The following MED25 variants were observed in gnomAD, a reference collection of about 807,000 sequenced individuals.
The protein encoded by MED25 is mediator of RNA polymerase II transcription subunit 25.
Under a neutral mutation model 89.4 loss-of-function variants are expected in MED25, and 62 were observed. The observed-to-expected ratio is 0.69, with a 90% confidence interval of 0.57 to 0.86. The LOEUF (loss-of-function observed/expected upper bound fraction) is 0.86. Among genes scored for constraint, MED25 ranks in the 40% least tolerant of loss-of-function variants. MED25 has a pLI of 0.00. For missense variants in MED25, 905 were observed against 1,005.2 expected (o/e 0.90, Z 1.35); for synonymous variants, 449 against 427.9 (o/e 1.05, Z -0.61).
In MED25 at chr19:49,830,626, G is replaced by C; in HGVS notation, c.907+28G>C. On this transcript the variant is annotated intron_variant, in intron 8 of 17. Coordinates refer to ENST00000312865, the MANE Select transcript of MED25 (RefSeq NM_030973.4). The surrounding 1 kb of genome is among the most constrained non-coding windows in gnomAD (Gnocchi z 4.6). ...GAGTCCTGGAGTGAGGATGAAGGGC[G>C]GGCAGGGGCCAGGCAGGCCTCTCTC... The C allele has an allele frequency of 1.2e-6, 2 of 1,613,422 alleles. No homozygotes were observed. The highest frequency in any genetic ancestry group is 1.7e-6 in the Non-Finnish European group (2 of 1,179,370).
rs1263337465 is a variant in MED25, at chr19:49,835,412, C to T, written c.1675-122C>T. 16 of 1,097,076 alleles carry T rather than the reference C, an allele frequency of 1.5e-5. No homozygotes were observed. Among genetic ancestry groups the T allele is most frequent in the Non-Finnish European group, 2.1e-5 (16 of 762,946 alleles). 68.0% of individuals were successfully genotyped at this position (1,097,076 alleles called of 1,614,324 possible). On this transcript the variant is annotated intron_variant, in intron 14 of 17. Coordinates refer to ENST00000312865, the MANE Select transcript of MED25 (RefSeq NM_030973.4). The surrounding 1 kb of genome is among the most constrained non-coding windows in gnomAD (Gnocchi z 6.2). ...AGTGTACGGCATCCCTCCCAGACCA[C>T]TCACCCCCAAAGAGAATGTCCCCAT...
chr19:49,824,996 TTTTTA>T (rs1279934147), intron 3 of MED25, among the ~76,000 whole-genome samples: 9 of 152,174 alleles, frequency 5.9e-5, no homozygotes, highest in African/African-American at 1.4e-4. Context: ...GGGGCTTTTA[TTTTTA>T]TTTTGTGTCT....
Position 49,836,004 on chromosome 19 carries a change from C to A in MED25, c.1965+59C>A. 6.3e-7 allele frequency: 1 copy of A among 1,592,954 alleles called. No homozygotes were observed. Reference sequence around the variant, plus strand: ...GATCCTGGCCCTGGTGGTTCTGGTCCTGTTGTCTGGGAGGAGGGAGGTTGA... The same window carrying A: ...GATCCTGGCCCTGGTGGTTCTGGTCATGTTGTCTGGGAGGAGGGAGGTTGA... On this transcript the variant is annotated intron_variant, in intron 16 of 17. Coordinates refer to ENST00000312865, the MANE Select transcript of MED25 (RefSeq NM_030973.4). This position sits in a 1 kb window ranked among gnomAD's most constrained non-coding sequence, Gnocchi z 5.1.
Position 49,836,790 on chromosome 19 carries a change from C to A in MED25, c.2147-57C>A. ...GCCTAGAAAACTTAGTGCCTCTGGG[C>A]CCTCCTGGGCCCAAGGGCCTACTGG... On this transcript the variant is annotated intron_variant, in intron 17 of 17. Coordinates refer to ENST00000312865, the MANE Select transcript of MED25 (RefSeq NM_030973.4). This position sits in a 1 kb window ranked among gnomAD's most constrained non-coding sequence, Gnocchi z 5.1. 7.4e-7 allele frequency: 1 copy of A among 1,355,304 alleles called. No individual in the cohort carries two copies. 84.0% of individuals were successfully genotyped at this position (1,355,304 alleles called of 1,614,324 possible). A position where few individuals can be genotyped will look rare whatever the true frequency, so the allele number is the denominator to read the frequency against.
chr19:49,830,650 T>G lies in MED25; in HGVS notation c.908-44T>G, dbSNP rs947245652. 1.2e-6 allele frequency: 2 copies of G among 1,612,738 alleles called. No homozygotes were observed. Among genetic ancestry groups the G allele is most frequent in the African/African-American group, 2.7e-5 (2 of 74,856 alleles). The stretch of plus-strand genomic sequence containing the variant: ...CGGGCAGGGGCCAGGCAGGCCTCTC[T>G]CCACACACTTGTTCCCCACTTCTTC... On this transcript the variant is annotated intron_variant, in intron 8 of 17. Coordinates refer to ENST00000312865, the MANE Select transcript of MED25 (RefSeq NM_030973.4). This position sits in a 1 kb window ranked among gnomAD's most constrained non-coding sequence, Gnocchi z 4.6.
intron 3 of MED25, among the ~76,000 whole-genome samples, chr19:49,827,020 C>T (rs1272974628): frequency 2.0e-5 from 3 of 152,126 alleles, no homozygotes; most frequent in Non-Finnish European, 2.9e-5. Context: ...TCACATGTGC[C>T]CCGCTGTGGT....
intron 3 of MED25, among the ~76,000 whole-genome samples, chr19:49,824,576 C>T (rs749305225): frequency 1.0e-4 from 15 of 148,624 alleles, no homozygotes; most frequent in Non-Finnish European, 8.9e-5. Context: ...AAGAGCGAGA[C>T]CCTGTCTCGG....
chr19:49,825,896 C>T (rs1438963766), intron 3 of MED25, among the ~76,000 whole-genome samples: 1 of 151,992 alleles, frequency 6.6e-6, no homozygotes, highest in African/African-American at 2.4e-5. Context: ...CTCCCCATTC[C>T]CCCATCCCCC....
intron 3 of MED25, among the ~76,000 whole-genome samples, chr19:49,826,732 T>C (rs1408583633): frequency 1.3e-5 from 2 of 151,990 alleles, no homozygotes; most frequent in Admixed American, 1.3e-4. Context: ...AGGCTTCCTA[T>C]AGGAGGGCAC....
Position 49,836,523 on chromosome 19 carries a change from T to G in MED25, c.2146+117T>G. Reference sequence around the variant, plus strand: ...AAGACATAGGATCCAAGAATGAGGGTTCCCCCATGGCCTTTGCGGAGCTCT... The same window carrying G: ...AAGACATAGGATCCAAGAATGAGGGGTCCCCCATGGCCTTTGCGGAGCTCT... On this transcript the variant is annotated intron_variant, in intron 17 of 17. Transcript: ENST00000312865. This position sits in a 1 kb window ranked among gnomAD's most constrained non-coding sequence, Gnocchi z 5.1. 27 of 1,228,900 alleles carry G rather than the reference T, an allele frequency of 2.2e-5. No individual in the cohort carries two copies. The highest frequency in any genetic ancestry group is 2.8e-5 in the Non-Finnish European group (24 of 853,796). The allele number at this position is 1,228,900 out of a possible 1,614,324, so 76.1% of individuals were successfully genotyped here.
rs1188825695 is a variant in MED25, at chr19:49,830,744, T to G, written c.958T>G (p.Phe320Val). Residue 320 changes from phenylalanine (F) to valine (V), a missense_variant, in exon 9 of 18, where the codon TTC (phenylalanine) becomes GTC (valine). By Grantham distance (50) the Phe-to-Val change is conservative. Coordinates refer to ENST00000312865, the MANE Select transcript of MED25 (RefSeq NM_030973.4). This position sits in a 1 kb window ranked among gnomAD's most constrained non-coding sequence, Gnocchi z 4.6. ...AGCTGCTCCCGGAGTGGGTCCCCCC[T>G]TCAGCCAGGCCCCAGCTCCCCAACT... The part of the protein sequence containing the change: ...QQAAPGVGPP[F>V]SQAPAPQLPP... 1.2e-6 allele frequency: 2 copies of G among 1,613,572 alleles called. No homozygotes were observed. Among genetic ancestry groups the G allele is most frequent in the Non-Finnish European group, 8.5e-7 (1 of 1,179,794 alleles).
In MED25 at chr19:49,830,501, C is replaced by T. The variant is rs1026511672; in HGVS notation, c.820-10C>T. On this transcript the variant is annotated splice_polypyrimidine_tract_variant and intron_variant, in intron 7 of 17. Transcript: ENST00000312865. This position sits in a 1 kb window ranked among gnomAD's most constrained non-coding sequence, Gnocchi z 4.6. The stretch of plus-strand genomic sequence containing the variant: ...CACCAGTCCCTTCCCTTCTTCCCTT[C>T]TACCCACAGGTTCCCGGGAACCTGA... 6 of 1,613,676 alleles carry T rather than the reference C, an allele frequency of 3.7e-6. No individual in the cohort carries two copies. In the Admixed American group the frequency reaches 8.3e-5, roughly 22 times the overall value.
intron 3 of MED25, among the ~76,000 whole-genome samples, chr19:49,820,264 C>T (rs1040591033): frequency 6.6e-6 from 1 of 152,224 alleles, no homozygotes; most frequent in African/African-American, 2.4e-5. Flanking sequence ...ATACACACTT[C>T]ACAAAAGGGG....
Position 49,831,470 on chromosome 19 carries a change from C to T in MED25, c.1230+9C>T, listed in dbSNP as rs2074057229. On this transcript the variant is annotated intron_variant, in intron 10 of 17. Coordinates refer to ENST00000312865, the MANE Select transcript of MED25 (RefSeq NM_030973.4). This position sits in a 1 kb window ranked among gnomAD's most constrained non-coding sequence, Gnocchi z 5.0. Reference sequence around the variant, plus strand: ...TCCTGGAGTGGCAAGAGGTGAGGGGCCTGAGGGTCCATTGGGCACTTGGGA... The same window carrying T: ...TCCTGGAGTGGCAAGAGGTGAGGGGTCTGAGGGTCCATTGGGCACTTGGGA... 6.2e-7 allele frequency: 1 copy of T among 1,611,162 alleles called. No individual in the cohort carries two copies. Among genetic ancestry groups the T allele is most frequent in the South Asian group, 1.1e-5 (1 of 90,414 alleles).
At chr19:49,821,775 C>A (rs1193163755) in intron 3 of MED25, among the ~76,000 whole-genome samples, 6 of 146,828 alleles carry the variant, frequency 4.1e-5, no homozygotes, top group African/African-American at 1.5e-4. Context: ...GAGATCACAC[C>A]ATTGCACTCC....
chr19:49,834,522 C>CA lies in MED25; in HGVS notation c.1483-463dup, dbSNP rs2074081559. 1 of 220,224 alleles carries CA rather than the reference C, an allele frequency of 4.5e-6. No homozygotes were observed. The highest frequency in any genetic ancestry group is 2.3e-5 in the African/African-American group (1 of 44,210). 13.6% of individuals were successfully genotyped at this position (220,224 alleles called of 1,614,324 possible). On this transcript the variant is annotated intron_variant, in intron 13 of 17. Transcript: ENST00000312865. This position sits in a 1 kb window ranked among gnomAD's most constrained non-coding sequence, Gnocchi z 4.1. Reference sequence around the variant, plus strand: ...TCACAGCGACCCTGTGATGTGGGAGCACTCCCCGTGGTGTACACTGGCCGG... The same window carrying CA: ...TCACAGCGACCCTGTGATGTGGGAGCAACTCCCCGTGGTGTACACTGGCCGG...
chr19:49,819,042 G>A, intron 2 of MED25, 130 bp from the exon 3 acceptor site: 1 of 1,156,658 alleles, frequency 8.6e-7, no homozygotes, highest in Non-Finnish European at 1.3e-6. Context: ...GAGATTGCTG[G>A]GTCTGAGGAA....
Position 49,831,893 on chromosome 19 carries a change from G to A in MED25, c.1231-43G>A, listed in dbSNP as rs1484053572. On this transcript the variant is annotated intron_variant, in intron 10 of 17. Transcript: ENST00000312865. This position sits in a 1 kb window ranked among gnomAD's most constrained non-coding sequence, Gnocchi z 5.0. ...GACATGAGGGCTCAAGGGGACTGAG[G>A]CTTATGGCCCTTTTTACTGACATGC... The A allele has an allele frequency of 6.4e-7, 1 of 1,567,686 alleles. No individual in the cohort carries two copies. The highest frequency in any genetic ancestry group is 1.7e-5 in the Admixed American group (1 of 59,960).
downstream of MED25, chr19:49,838,350 G>T: frequency 2.8e-6 from 1 of 351,238 alleles, no homozygotes; most frequent in South Asian, 2.2e-5. Flanking sequence ...TGACAAGTCA[G>T]AAGAATTGGC....
Sources: allele counts gnomAD v4.1 joint callset (sites outside exome capture counted in the v4.1 genomes callset), GRCh38; gene constraint gnomAD v4.1.1; non-coding constraint Gnocchi (gnomAD v3.1); transcripts MANE v1.5; gene names NCBI Gene and HGNC (gene_info 2026-07-23, HGNC 2026-07-21).